Variants in MYO1D observed in about 807,000 individuals in gnomAD.
MYO1D encodes the protein myosin ID, also known as unconventional myosin-Id.
In MYO1D, 83 loss-of-function variants were observed where a neutral mutation model predicts 122.0. The observed-to-expected ratio is 0.68, with a 90% CI of 0.57 to 0.82. MYO1D has a LOEUF of 0.82. Among genes scored for constraint, MYO1D ranks in the 40% least tolerant of loss-of-function variants. The pLI is 0.00. For synonymous variants in MYO1D, 464 were observed against 446.9 expected, an observed-to-expected ratio of 1.04 and a Z score of -0.48; for missense variants, 1,157 against 1,269.5, an observed-to-expected ratio of 0.91 and a Z score of 1.35.
At chr17:32,614,072 A>AT (rs527897976) in intron 20 of MYO1D, among the ~76,000 whole-genome samples, 22,350 of 126,460 alleles carry the variant, frequency 0.18, 2,072 homozygotes, top group South Asian at 0.3. Context: ...TAATGTTTTA[A>AT]TTTTTTTTTT....
chr17:32,583,041 G>A (rs1021958620), intron 21 of MYO1D, among the ~76,000 whole-genome samples: 1 of 152,084 alleles, frequency 6.6e-6, no homozygotes, highest in Admixed American at 6.5e-5. Flanking sequence ...TCTTTCTGAA[G>A]GACTTTAACA....
At chr17:32,761,642 A>G (rs1367809267) in intron 8 of MYO1D, among the ~76,000 whole-genome samples, 1 of 152,142 alleles carries the variant, frequency 6.6e-6, no homozygotes, top group Non-Finnish European at 1.5e-5. Flanking sequence ...ATTAAATAAT[A>G]CAAATATAAT....
chr17:32,742,277 T>C (rs2089782041), intron 13 of MYO1D, among the ~76,000 whole-genome samples: 1 of 152,196 alleles, frequency 6.6e-6, no homozygotes, highest in Admixed American at 6.5e-5. Flanking sequence ...GTATCTTCAG[T>C]GGAGGAGGGT....
intron 15 of MYO1D, among the ~76,000 whole-genome samples, chr17:32,713,137 G>C (rs139352997): frequency 6.6e-6 from 1 of 152,274 alleles, no homozygotes; most frequent in East Asian, 1.9e-4. Flanking sequence ...TTGGGTTATA[G>C]AGTAATGCAT....
intron 21 of MYO1D, among the ~76,000 whole-genome samples, chr17:32,580,419 T>C (rs2087325903): frequency 6.9e-6 from 1 of 144,536 alleles, no homozygotes; most frequent in Non-Finnish European, 1.5e-5. Flanking sequence ...TTTTTTTTTT[T>C]TTTTTTTTGA....
At chr17:32,733,007 C>T (rs1236268526) in intron 14 of MYO1D, among the ~76,000 whole-genome samples, 1 of 152,198 alleles carries the variant, frequency 6.6e-6, no homozygotes, top group Admixed American at 6.5e-5. Flanking sequence ...AGTGTCTGTG[C>T]CGGCACCTGG....
chr17:32,780,924 T>A, intron 1 of MYO1D, 140 bp from the exon 2 acceptor site: 1 of 837,718 alleles, frequency 1.2e-6, no homozygotes, highest in Non-Finnish European at 1.9e-6. Context: ...GGCTCTGAGT[T>A]AACTTGTAGA....
chr17:32,599,434 A>G (rs1260958276), intron 21 of MYO1D, among the ~76,000 whole-genome samples: 1 of 152,152 alleles, frequency 6.6e-6, no homozygotes, highest in Non-Finnish European at 1.5e-5. Context: ...ACTTCCTCCA[A>G]TGAAGTCCTG....
rs776304231 is a variant in MYO1D, at chr17:32,780,699, C to T, written c.181G>A (p.Asp61Asn). 6.2e-7 allele frequency: 1 copy of T among 1,614,190 alleles called. No homozygotes were observed. Among genetic ancestry groups the T allele is most frequent in the Non-Finnish European group, 8.5e-7 (1 of 1,180,034 alleles). ...CGGCCTTTATACTGCTCAATTGTGT[C>T]TCTTCCATAGATGTTCAACAACTTG... ...PYKLLNIYGRDTIEQYKGREL... is the reference protein window; with the variant it reads ...PYKLLNIYGRNTIEQYKGREL... Residue 61 changes from aspartate to asparagine, a missense_variant, in exon 2 of 22, where the codon GAC becomes AAC. Transcript: ENST00000318217.
intron 1 of MYO1D, among the ~76,000 whole-genome samples, chr17:32,793,149 A>C (rs1236991006): frequency 6.6e-6 from 1 of 152,060 alleles, no homozygotes; most frequent in Non-Finnish European, 1.5e-5. Context: ...GCACCACCAC[A>C]GTCCACCAGT....
chr17:32,811,498 A>G (rs902440458), intron 1 of MYO1D, among the ~76,000 whole-genome samples: 1 of 152,050 alleles, frequency 6.6e-6, no homozygotes, highest in Admixed American at 6.5e-5. Context: ...CCTAACTTCA[A>G]TGTGACTACT....
intron 16 of MYO1D, among the ~76,000 whole-genome samples, chr17:32,697,101 C>T (rs9913872): frequency 0.035 from 5,319 of 152,286 alleles, 312 homozygotes; most frequent in African/African-American, 0.12. Flanking sequence ...GCAGTCACTG[C>T]CTACTACCCT....
At chr17:32,844,012 C>T (rs554787466) in intron 1 of MYO1D, among the ~76,000 whole-genome samples, 1 of 151,254 alleles carries the variant, frequency 6.6e-6, no homozygotes, top group South Asian at 2.1e-4. Flanking sequence ...TATACACACA[C>T]ACACATATAT....
chr17:32,801,994 G>T (rs774241299), intron 1 of MYO1D, among the ~76,000 whole-genome samples: 19 of 152,216 alleles, frequency 1.2e-4, no homozygotes, highest in Non-Finnish European at 2.2e-4. Context: ...GGAAAATAAG[G>T]AGAATCAATT....
At chr17:32,551,707 C>T (rs979739776) in intron 21 of MYO1D, among the ~76,000 whole-genome samples, 7 of 152,252 alleles carry the variant, frequency 4.6e-5, no homozygotes, top group South Asian at 2.1e-4. Context: ...CCAATCAGCA[C>T]GCGGTTCCAT....
At chr17:32,816,112 T>A (rs895525491) in intron 1 of MYO1D, among the ~76,000 whole-genome samples, 1 of 152,204 alleles carries the variant, frequency 6.6e-6, no homozygotes, top group Non-Finnish European at 1.5e-5. Flanking sequence ...TTATTGAGAA[T>A]GTCTGTGGGT....
At chr17:32,632,275 C>T (rs2088017939) in intron 20 of MYO1D, 1 of 152,194 alleles carries the variant, frequency 6.6e-6, no homozygotes, top group East Asian at 1.9e-4. Flanking sequence ...AGACTGGAAA[C>T]CTGGGGCTGA....
At chr17:32,717,067 T>C (rs945790619) in intron 15 of MYO1D, among the ~76,000 whole-genome samples, 5 of 152,238 alleles carry the variant, frequency 3.3e-5, no homozygotes, top group African/African-American at 4.8e-5. Flanking sequence ...AAATTCACTG[T>C]AGAAAATATT....
At chr17:32,636,332 T>C (rs1490687907) in intron 20 of MYO1D, among the ~76,000 whole-genome samples, 1 of 152,250 alleles carries the variant, frequency 6.6e-6, no homozygotes, top group Non-Finnish European at 1.5e-5. Flanking sequence ...AGCATCATCA[T>C]GTTTTAAAAA....
Sources: allele counts gnomAD v4.1 joint callset (sites outside exome capture counted in the v4.1 genomes callset), GRCh38; gene constraint gnomAD v4.1.1; transcripts MANE v1.5; gene names NCBI Gene and HGNC (gene_info 2026-07-23, HGNC 2026-07-21).